The following ADGRL3 variants were observed in gnomAD, a reference collection of about 807,000 sequenced individuals.
ADGRL3 encodes adhesion G protein-coupled receptor L3.
Under a neutral mutation model 153.5 loss-of-function variants are expected in ADGRL3, and 62 were observed. The ratio of observed to expected loss-of-function variants is 0.40; its 90% CI spans 0.33 to 0.50. The LOEUF (loss-of-function observed/expected upper bound fraction) is 0.50. ADGRL3 is among the 20% of genes least tolerant of loss of function. ADGRL3 has a pLI of 0.47. For synonymous variants in ADGRL3, 710 were observed against 672.5 expected (o/e 1.06, Z -0.86); for missense variants, 1,641 against 1,859.4 (o/e 0.88, Z 2.16).
intron 1 of ADGRL3, among the ~76,000 whole-genome samples, chr4:61,222,560 T>TAACAA (rs1560366205): frequency 1.3e-5 from 2 of 152,040 alleles, no homozygotes; most frequent in African/African-American, 4.8e-5. Context: ...AACTCTGGAC[T>TAACAA]AACAAAACAA....
intron 1 of ADGRL3, among the ~76,000 whole-genome samples, chr4:61,273,408 T>A (rs887445699): frequency 2.6e-5 from 4 of 152,116 alleles, no homozygotes; most frequent in African/African-American, 9.7e-5. Context: ...GAGTGACATA[T>A]TTACCCTCCT....
rs184871555 is a variant in ADGRL3 at position 61,232,771 on chromosome 4, C to T, written c.-240+31006C>T. Among the ~76,000 whole-genome samples the T allele has an allele frequency of 4.0e-3, 612 of 152,102 alleles. 1 individual carries two copies. The highest frequency in any genetic ancestry group is 0.031 in the Middle Eastern group (9 of 292). On this transcript the variant is annotated intron_variant, in intron 1 of 26. Transcript: ENST00000683033. ...CAGTGCCTGGAACATAGAAAATGTG[C>T]TTTAAGGTAATTATTATGTAGGTAA...
intron 8 of ADGRL3, among the ~76,000 whole-genome samples, chr4:61,739,587 CT>C (rs1349621774): frequency 6.6e-6 from 1 of 152,106 alleles, no homozygotes; most frequent in East Asian, 1.9e-4. Flanking sequence ...TTTAAATCTG[CT>C]TTTTCAAGAT....
At chr4:61,651,862 T>G (rs1288208245) in intron 5 of ADGRL3, among the ~76,000 whole-genome samples, 1 of 151,238 alleles carries the variant, frequency 6.6e-6, no homozygotes, top group South Asian at 2.1e-4. Flanking sequence ...GTGATCTGCC[T>G]GCCTTGCCTC....
intron 1 of ADGRL3, among the ~76,000 whole-genome samples, chr4:61,372,169 G>T (rs1050989041): frequency 2.0e-5 from 3 of 151,832 alleles, no homozygotes; most frequent in Non-Finnish European, 2.9e-5. Context: ...TTTTCCTTTG[G>T]TTTGAATGTC....
chr4:61,938,064 G>A (rs970009694), intron 15 of ADGRL3, among the ~76,000 whole-genome samples: 6 of 151,926 alleles, frequency 3.9e-5, no homozygotes, highest in African/African-American at 1.5e-4. Flanking sequence ...GCCTGTTTTT[G>A]TTTTTGTTTG....
intron 11 of ADGRL3, among the ~76,000 whole-genome samples, chr4:61,897,585 A>T (rs538450705): frequency 6.6e-6 from 1 of 152,278 alleles, no homozygotes; most frequent in Non-Finnish European, 1.5e-5. Context: ...CCAAATATTT[A>T]TGCTACTCAT....
rs556417088 is a variant in ADGRL3 at position 61,514,892 on chromosome 4, C to G, written c.56-2423C>G. 2.0e-3 allele frequency among the ~76,000 whole-genome samples: 301 copies of G among 152,104 alleles called. 1 individual carries two copies. Among genetic ancestry groups the G allele is most frequent in the African/African-American group, 7.0e-3 (291 of 41,506 alleles). On this transcript the variant is annotated intron_variant, in intron 3 of 26. Transcript: ENST00000683033. ...GATTTTTTTCATTTAGATACAGGCA[C>G]TATTATACTGTTTAGCTGATGCTTG...
intron 13 of ADGRL3, among the ~76,000 whole-genome samples, chr4:61,926,301 TTACTCA>T (rs1007525018): frequency 6.6e-6 from 1 of 152,158 alleles, no homozygotes; most frequent in African/African-American, 2.4e-5. Flanking sequence ...ATTTACTATG[TTACTCA>T]TACTGTCCAC....
intron 17 of ADGRL3, among the ~76,000 whole-genome samples, chr4:61,953,362 G>A (rs1443481563): frequency 1.3e-5 from 2 of 152,170 alleles, no homozygotes; most frequent in African/African-American, 2.4e-5. Context: ...GTATCCTGAT[G>A]CATCCTTCTC....
chr4:61,621,662 T>A (rs1479969341), intron 5 of ADGRL3, among the ~76,000 whole-genome samples: 2 of 152,116 alleles, frequency 1.3e-5, no homozygotes, highest in Admixed American at 6.5e-5. Context: ...ACATAGCCCT[T>A]TTTTTCCTCA....
intron 1 of ADGRL3, among the ~76,000 whole-genome samples, chr4:61,250,070 T>C (rs539417726): frequency 2.6e-5 from 4 of 152,326 alleles, no homozygotes; most frequent in African/African-American, 9.6e-5. Context: ...GTCTCCCTTC[T>C]ATAATGCCTT....
chr4:62,005,211 T>A (rs1283570247), intron 21 of ADGRL3, among the ~76,000 whole-genome samples: 1 of 152,188 alleles, frequency 6.6e-6, no homozygotes, highest in Non-Finnish European at 1.5e-5. Context: ...TCTCATTGTA[T>A]CCTTTATTTT....
intron 9 of ADGRL3, among the ~76,000 whole-genome samples, chr4:61,880,560 C>A (rs1239565271): frequency 6.6e-6 from 1 of 151,914 alleles, no homozygotes; most frequent in East Asian, 1.9e-4. Context: ...TGTCACTCAC[C>A]CATTATGCAT....
At chr4:61,409,929 A>T (rs1308212108) in intron 2 of ADGRL3, among the ~76,000 whole-genome samples, 1 of 152,048 alleles carries the variant, frequency 6.6e-6, no homozygotes. Flanking sequence ...GTTTAGAAAG[A>T]ACATAATATG....
chr4:61,385,901 G>A (rs1012416131), intron 2 of ADGRL3: 24 of 152,166 alleles, frequency 1.6e-4, no homozygotes, highest in Non-Finnish European at 3.1e-4. Flanking sequence ...GTGTGTGTTT[G>A]TGTGTGTGTA....
intron 6 of ADGRL3, among the ~76,000 whole-genome samples, chr4:61,715,937 G>A (rs1204310048): frequency 8.5e-6 from 1 of 117,012 alleles, no homozygotes; most frequent in Admixed American, 9.3e-5. Flanking sequence ...GAGTTTGTTT[G>A]CCCTTAAAGT....
rs369021307 is a variant in ADGRL3 at position 61,497,399 on chromosome 4, A to G, written c.55+51A>G. On this transcript the variant is annotated intron_variant, in intron 3 of 26. Coordinates refer to ENST00000683033, the MANE Select transcript of ADGRL3 (RefSeq NM_001387552.1). ...ATGCTTAATGTTGTCTCACTTATTC[A>G]TACTGGACACTTCCTTGGGATCTTT... The G allele has an allele frequency of 3.4e-5, 40 of 1,168,464 alleles. 1 individual carries two copies. The African/African-American group carries it at 5.1e-4, about 15-fold the overall frequency. The allele number at this position is 1,168,464 out of a possible 1,614,324, so 72.4% of individuals were successfully genotyped here.
At chr4:61,877,713 A>T (rs1205957675) in intron 9 of ADGRL3, among the ~76,000 whole-genome samples, 4 of 152,134 alleles carry the variant, frequency 2.6e-5, no homozygotes, top group Non-Finnish European at 4.4e-5. Flanking sequence ...CTTGGTTTGT[A>T]GATGACCACT....
Sources: gnomAD v4.1 joint callset for allele counts (sites outside exome capture counted in the v4.1 genomes callset) on GRCh38, gnomAD v4.1.1 for gene constraint, MANE v1.5 for transcripts, NCBI Gene and HGNC (gene_info 2026-07-23, HGNC 2026-07-21) for gene names.